Variants in CPEB1 observed in about 807,000 individuals in gnomAD.
CPEB1 encodes the protein cytoplasmic polyadenylation element binding protein 1.
CPEB1 carries 7 observed loss-of-function variants against 65.8 expected under a neutral mutation model. That is an observed-to-expected ratio of 0.11 (90% CI 0.06 to 0.20). The LOEUF is 0.20. Ranked by LOEUF, CPEB1 falls within the 10% of genes least tolerant of loss-of-function variation. The pLI, the probability that CPEB1 is intolerant of heterozygous loss-of-function variation, is 1.00. For missense variants in CPEB1, 551 were observed against 712.2 expected, an observed-to-expected ratio of 0.77 and a Z score of 2.58; for synonymous variants, 262 against 260.0, an observed-to-expected ratio of 1.01 and a Z score of -0.08.
intron 4 of CPEB1, among the ~76,000 whole-genome samples, chr15:82,568,628 G>A (rs184895096): frequency 6.6e-6 from 1 of 152,298 alleles, no homozygotes; most frequent in African/African-American, 2.4e-5. Context: ...CTGGCCCCTG[G>A]AGAATGGTAT....
At chr15:82,645,177 G>A (rs1247988469) in intron 1 of CPEB1, among the ~76,000 whole-genome samples, 1 of 152,192 alleles carries the variant, frequency 6.6e-6, no homozygotes, top group East Asian at 1.9e-4. Flanking sequence ...TTTTTGAGAC[G>A]AAGTCTCGCT....
At chr15:82,578,813 C>T (rs528890834) in intron 3 of CPEB1, among the ~76,000 whole-genome samples, 19 of 152,036 alleles carry the variant, frequency 1.2e-4, no homozygotes, top group Non-Finnish European at 2.4e-4. Context: ...GTCAGTCATA[C>T]AAAATTACAT....
At chr15:82,553,419 G>T in intron 8 of CPEB1, 48 bp downstream of exon 8, 1 of 1,444,510 alleles carries the variant, frequency 6.9e-7, no homozygotes, top group Non-Finnish European at 9.7e-7. Flanking sequence ...TACTAGGGAA[G>T]GGAAAAAAAA....
At chr15:82,561,357 G>C (rs1009830475) in intron 4 of CPEB1, among the ~76,000 whole-genome samples, 13 of 152,162 alleles carry the variant, frequency 8.5e-5, no homozygotes, top group Non-Finnish European at 5.9e-5. Flanking sequence ...GCAGAAAATG[G>C]GGGGAGCATT....
At chr15:82,577,854 T>C (rs1298544033) in intron 3 of CPEB1, among the ~76,000 whole-genome samples, 2 of 152,010 alleles carry the variant, frequency 1.3e-5, no homozygotes, top group African/African-American at 4.8e-5. Context: ...GATAAAGCTA[T>C]ATTGGGCCAG....
At chr15:82,646,126 G>T (rs587725416) in intron 1 of CPEB1, among the ~76,000 whole-genome samples, 2 of 152,252 alleles carry the variant, frequency 1.3e-5, no homozygotes, top group East Asian at 3.9e-4. Flanking sequence ...GGTCCTGTTT[G>T]AATTTATTTT....
chr15:82,632,045 G>C (rs1596135137), intron 1 of CPEB1, among the ~76,000 whole-genome samples: 1 of 139,234 alleles, frequency 7.2e-6, no homozygotes, highest in African/African-American at 2.7e-5. Flanking sequence ...GCAATGGTGT[G>C]ATCTCGGCTC....
rs1485570360 is a variant in CPEB1, at chr15:82,647,190, C to G, written c.-151G>C. ...CGGGCACGAAGCCCCGCCAGTCTTC[C>G]GCCCTCGCGCCACACTACCTGGCCA... On this transcript the variant is annotated 5_prime_UTR_variant, in exon 1 of 13. Transcript: ENST00000684509. The G allele has an allele frequency of 6.6e-6, 1 of 152,652 alleles. No homozygotes were observed. Among genetic ancestry groups the G allele is most frequent in the African/African-American group, 2.4e-5 (1 of 41,456 alleles). 9.5% of individuals were successfully genotyped at this position (152,652 alleles called of 1,614,324 possible). A position where few individuals can be genotyped will look rare whatever the true frequency, so the allele number is the denominator to read the frequency against.
chr15:82,549,726 A>C, intron 9 of CPEB1, 68 bp from the exon 10 acceptor site: 1 of 1,453,610 alleles, frequency 6.9e-7, no homozygotes, highest in Admixed American at 1.7e-5. Context: ...TTGCACGGCA[A>C]GGTACGTGCT....
Position 82,544,512 on chromosome 15 carries a change from G to T in CPEB1, c.*80C>A, listed in dbSNP as rs2034821070. On this transcript the variant is annotated 3_prime_UTR_variant, in exon 13 of 13. Transcript: ENST00000684509. ...TCCTTGGGAAGCCAGCTCCCTGGTC[G>T]CCAGTGGCAGGGTGGTGCAGGCTGC... is the stretch of plus-strand genomic sequence containing the variant. The T allele has an allele frequency of 3.0e-6, 3 of 1,000,236 alleles. No homozygotes were observed. In the African/African-American group the frequency reaches 4.8e-5, roughly 16 times the overall value. 62.0% of individuals were successfully genotyped at this position (1,000,236 alleles called of 1,614,324 possible). A position where few individuals can be genotyped will look rare whatever the true frequency, so the allele number is the denominator to read the frequency against.
chr15:82,606,351 T>C (rs2043591545), intron 3 of CPEB1, among the ~76,000 whole-genome samples: 1 of 150,788 alleles, frequency 6.6e-6, no homozygotes, highest in African/African-American at 2.4e-5. Context: ...GGGTACCTGG[T>C]ATCCCAGCTA....
intron 4 of CPEB1, among the ~76,000 whole-genome samples, chr15:82,563,732 T>A (rs946632647): frequency 1.3e-5 from 2 of 152,072 alleles, no homozygotes; most frequent in African/African-American, 4.8e-5. Flanking sequence ...TGGGGTAAAA[T>A]GAACACGAAC....
chr15:82,647,755 G>A (rs587636190), upstream of CPEB1: 27 of 1,074,584 alleles, frequency 2.5e-5, no homozygotes, highest in South Asian at 7.8e-4. Context: ...GCACGGGGCG[G>A]GGGATGGGGG....
chr15:82,648,504 A>G (rs1425621883), upstream of CPEB1: 2 of 152,366 alleles, frequency 1.3e-5, no homozygotes, highest in East Asian at 3.9e-4. Flanking sequence ...AGAAAGTTCC[A>G]AAGACATCAC....
At chr15:82,635,569 A>C (rs1395952922) in intron 1 of CPEB1, among the ~76,000 whole-genome samples, 1 of 152,242 alleles carries the variant, frequency 6.6e-6, no homozygotes, top group Non-Finnish European at 1.5e-5. Flanking sequence ...TTCAACCAAC[A>C]AAATGGCAAT....
At chr15:82,605,521 A>G (rs967752425) in intron 3 of CPEB1, among the ~76,000 whole-genome samples, 3 of 152,120 alleles carry the variant, frequency 2.0e-5, no homozygotes, top group African/African-American at 7.2e-5. Flanking sequence ...AATGTATTCT[A>G]TAGTTGTACT....
At chr15:82,585,726 T>A (rs538526050) in intron 3 of CPEB1, among the ~76,000 whole-genome samples, 145 of 152,286 alleles carry the variant, frequency 9.5e-4, no homozygotes, top group African/African-American at 2.8e-3. Flanking sequence ...AAGTAATAAG[T>A]AAAAGATGAT....
intron 4 of CPEB1, among the ~76,000 whole-genome samples, chr15:82,567,353 T>C (rs565027459): frequency 2.4e-4 from 37 of 151,910 alleles, no homozygotes; most frequent in African/African-American, 8.7e-4. Context: ...AAAACCAGAG[T>C]GTGGGCCAGG....
chr15:82,581,480 G>A (rs1318562436), intron 3 of CPEB1, among the ~76,000 whole-genome samples: 2 of 152,032 alleles, frequency 1.3e-5, no homozygotes, highest in African/African-American at 4.8e-5. Flanking sequence ...GAGAATTGCT[G>A]GATCATATGG....
Sources: gnomAD v4.1 joint callset for allele counts (sites outside exome capture counted in the v4.1 genomes callset) on GRCh38, gnomAD v4.1.1 for gene constraint, MANE v1.5 for transcripts, NCBI Gene and HGNC (gene_info 2026-07-23, HGNC 2026-07-21) for gene names.